SORCS1: variants seen among roughly 807,000 people sequenced by gnomAD.
SORCS1 encodes sortilin related VPS10 domain containing receptor 1.
In SORCS1, 60 loss-of-function variants were observed where a neutral mutation model predicts 146.1. The ratio of observed to expected loss-of-function variants is 0.41; its 90% CI spans 0.33 to 0.51. The LOEUF is 0.51. Ranked by LOEUF, SORCS1 falls within the 20% of genes least tolerant of loss-of-function variation. The pLI, the probability that SORCS1 is intolerant of heterozygous loss-of-function variation, is 0.21. For missense variants in SORCS1, 1,352 were observed against 1,487.6 expected, an observed-to-expected ratio of 0.91 and a Z score of 1.50; for synonymous variants, 637 against 584.0, an observed-to-expected ratio of 1.09 and a Z score of -1.31.
intron 2 of SORCS1, among the ~76,000 whole-genome samples, chr10:106,922,437 A>C (rs1276585956): frequency 2.0e-5 from 3 of 152,262 alleles, no homozygotes; most frequent in Non-Finnish European, 2.9e-5. Context: ...AGACAAAGAA[A>C]AAACAAAAGC....
chr10:106,926,023 G>GA (rs1169967504), intron 2 of SORCS1, among the ~76,000 whole-genome samples: 4 of 152,090 alleles, frequency 2.6e-5, no homozygotes, highest in Non-Finnish European at 4.4e-5. Flanking sequence ...AAAAAAGACT[G>GA]AAAAATAATT....
chr10:107,148,636 T>G (rs1968528266), intron 1 of SORCS1, among the ~76,000 whole-genome samples: 1 of 152,212 alleles, frequency 6.6e-6, no homozygotes, highest in Non-Finnish European at 1.5e-5. Context: ...TGCAAAGGTT[T>G]CTTTAAAGAT....
intron 1 of SORCS1, among the ~76,000 whole-genome samples, chr10:107,136,144 G>C (rs1233793497): frequency 6.6e-6 from 1 of 152,112 alleles, no homozygotes; most frequent in Admixed American, 6.5e-5. Flanking sequence ...AAGAAAAAAA[G>C]GATGAAAAGA....
chr10:106,631,714 C>T (rs746537308), intron 18 of SORCS1, among the ~76,000 whole-genome samples: 6 of 152,218 alleles, frequency 3.9e-5, no homozygotes, highest in Non-Finnish European at 8.8e-5. Flanking sequence ...GTCAACTCTA[C>T]TTCAGCCTCC....
chr10:106,840,072 C>A (rs1029497914), intron 2 of SORCS1, among the ~76,000 whole-genome samples: 1 of 152,136 alleles, frequency 6.6e-6, no homozygotes, highest in Non-Finnish European at 1.5e-5. Context: ...CTATTCTGTA[C>A]TCCATGGATC....
At chr10:107,058,413 A>C (rs1960858247) in intron 1 of SORCS1, among the ~76,000 whole-genome samples, 1 of 152,192 alleles carries the variant, frequency 6.6e-6, no homozygotes, top group African/African-American at 2.4e-5. Context: ...CTAATATATA[A>C]TTTTTATTTA....
chr10:106,971,041 T>C (rs1955761760), intron 1 of SORCS1, among the ~76,000 whole-genome samples: 1 of 151,340 alleles, frequency 6.6e-6, no homozygotes, highest in Admixed American at 6.6e-5. Flanking sequence ...TGAGCCACCA[T>C]GACCGGCCTG....
chr10:107,058,947 G>A (rs1960905684), intron 1 of SORCS1, among the ~76,000 whole-genome samples: 1 of 151,992 alleles, frequency 6.6e-6, no homozygotes, highest in African/African-American at 2.4e-5. Context: ...AGAAAACTAG[G>A]GACATCACCA....
chr10:107,120,774 C>G (rs1407459267), intron 1 of SORCS1, among the ~76,000 whole-genome samples: 3 of 152,166 alleles, frequency 2.0e-5, no homozygotes, highest in African/African-American at 4.8e-5. Flanking sequence ...GGAAAGCAGG[C>G]TATCCACATT....
chr10:106,989,840 C>G (rs1956693420), intron 1 of SORCS1, among the ~76,000 whole-genome samples: 1 of 151,870 alleles, frequency 6.6e-6, no homozygotes, highest in Admixed American at 6.6e-5. Flanking sequence ...GCGCCCGCCA[C>G]CACGCCTGGC....
At position 106,988,882 on chromosome 10, in the gene SORCS1, A is replaced by G. The variant is rs570627626; in HGVS notation, c.559-32302T>C. On this transcript the variant is annotated intron_variant, in intron 1 of 25. Transcript: ENST00000263054. Reference sequence around the variant, plus strand: ...TAAGCAAAGTGGTAGAGAATATTCTATAAAATAGAATCTTGTACTGATGAG... The same window carrying G: ...TAAGCAAAGTGGTAGAGAATATTCTGTAAAATAGAATCTTGTACTGATGAG... Among the ~76,000 whole-genome samples, 21 of 152,288 alleles carry G rather than the reference A, an allele frequency of 1.4e-4. No homozygotes were observed. The South Asian group carries it at 4.3e-3, about 32-fold the overall frequency.
chr10:106,897,459 A>T (rs779274111), intron 2 of SORCS1, among the ~76,000 whole-genome samples: 15 of 148,936 alleles, frequency 1.0e-4, no homozygotes, highest in Non-Finnish European at 2.1e-4. Context: ...GTCCTACATT[A>T]AAAAAAAGAT....
chr10:106,980,061 C>A (rs1451808519), intron 1 of SORCS1, among the ~76,000 whole-genome samples: 1 of 152,132 alleles, frequency 6.6e-6, no homozygotes, highest in African/African-American at 2.4e-5. Flanking sequence ...GTGGCAGAAC[C>A]AAAGACTCTA....
chr10:106,748,645 C>T (rs2136161550), intron 5 of SORCS1, among the ~76,000 whole-genome samples: 1 of 152,128 alleles, frequency 6.6e-6, no homozygotes, highest in East Asian at 1.9e-4. Context: ...TAATAATGCA[C>T]CTCCATTTGA....
intron 2 of SORCS1, among the ~76,000 whole-genome samples, chr10:106,875,196 A>T (rs968299134): frequency 6.6e-6 from 1 of 152,154 alleles, no homozygotes; most frequent in Non-Finnish European, 1.5e-5. Flanking sequence ...TCCCACTTCT[A>T]AGTGAGAACA....
At chr10:106,607,943 G>T (rs1218291820) in intron 22 of SORCS1, among the ~76,000 whole-genome samples, 1 of 152,122 alleles carries the variant, frequency 6.6e-6, no homozygotes, top group African/African-American at 2.4e-5. Flanking sequence ...AGCACCCTGA[G>T]CCCTCCACTT....
Position 107,008,458 on chromosome 10 carries a change from T to C in SORCS1, c.559-51878A>G, listed in dbSNP as rs544191248. On this transcript the variant is annotated intron_variant, in intron 1 of 25. Transcript: ENST00000263054. The stretch of plus-strand genomic sequence containing the variant: ...AAATACCTTGATTAAAATGCAGTTG[T>C]AGCATTTAAGATAAATGGCTTCATC... Among the ~76,000 whole-genome samples, 6 of 152,386 alleles carry C rather than the reference T, an allele frequency of 3.9e-5. 1 individual carries two copies. The South Asian group carries it at 1.2e-3, about 32-fold the overall frequency.
At chr10:107,164,813 G>A (rs1590287465), upstream of SORCS1, among the ~76,000 whole-genome samples, 1 of 147,844 alleles carries the variant, frequency 6.8e-6, no homozygotes, top group East Asian at 2.0e-4. This position sits in a 1 kb window ranked among gnomAD's most constrained non-coding sequence, Gnocchi z 6.8. Context: ...GCGGGAGGGA[G>A]GGCAGGCGCT....
intron 19 of SORCS1, among the ~76,000 whole-genome samples, chr10:106,625,118 G>T (rs1398816128): frequency 1.3e-5 from 2 of 152,086 alleles, no homozygotes; most frequent in Non-Finnish European, 2.9e-5. Flanking sequence ...TGTGAACTGG[G>T]TTTCCCCTCT....
Sources: allele counts gnomAD v4.1 joint callset (sites outside exome capture counted in the v4.1 genomes callset), GRCh38; gene constraint gnomAD v4.1.1; non-coding constraint Gnocchi (gnomAD v3.1); transcripts MANE v1.5; gene names NCBI Gene and HGNC (gene_info 2026-07-23, HGNC 2026-07-21).